The following RUNX2 variants were observed in gnomAD, a reference collection of about 807,000 sequenced individuals.
The protein encoded by RUNX2 is runt-related transcription factor 2.
A neutral mutation model predicts 51.7 loss-of-function variants in RUNX2; 10 were observed. The ratio of observed to expected loss-of-function variants is 0.19; its 90% CI spans 0.12 to 0.33. The LOEUF (loss-of-function observed/expected upper bound fraction) is 0.33. Among genes scored for constraint, RUNX2 ranks in the 10% least tolerant of loss-of-function variants. RUNX2 has a pLI of 1.00. For synonymous variants in RUNX2, 276 were observed against 273.6 expected (o/e 1.01, Z -0.09); for missense variants, 562 against 691.3 (o/e 0.81, Z 2.10).
At chr6:45,491,910 A>G (rs553368186) in intron 5 of RUNX2, 31 bp from the exon 6 acceptor site, 1 of 1,610,432 alleles carries the variant, frequency 6.2e-7, no homozygotes, top group South Asian at 1.1e-5. Flanking sequence ...GCTAATTAAT[A>G]TGCTTTTATT....
At chr6:45,378,248 G>A (rs1352955628) in intron 2 of RUNX2, among the ~76,000 whole-genome samples, 1 of 152,246 alleles carries the variant, frequency 6.6e-6, no homozygotes, top group Non-Finnish European at 1.5e-5. Context: ...CAGGGTGCAG[G>A]CTTGAATTCT....
At chr6:45,413,671 C>T (rs144076347) in intron 2 of RUNX2, among the ~76,000 whole-genome samples, 206 of 151,784 alleles carry the variant, frequency 1.4e-3, no homozygotes, top group African/African-American at 4.6e-3. Context: ...CCTTGTGATC[C>T]GCCAGCCTTG....
At chr6:45,346,781 G>T (rs1463835496) in intron 2 of RUNX2, among the ~76,000 whole-genome samples, 1 of 151,968 alleles carries the variant, frequency 6.6e-6, no homozygotes, top group Non-Finnish European at 1.5e-5. Context: ...TGGTCAGGCT[G>T]GTCTCAAACT....
chr6:45,538,311 G>C (rs1227085402), intron 7 of RUNX2, among the ~76,000 whole-genome samples: 1 of 152,150 alleles, frequency 6.6e-6, no homozygotes, highest in Non-Finnish European at 1.5e-5. Flanking sequence ...TATCAAATAA[G>C]AGTTGGTCTT....
At chr6:45,332,276 T>C (rs2150086699) in intron 2 of RUNX2, among the ~76,000 whole-genome samples, 1 of 151,776 alleles carries the variant, frequency 6.6e-6, no homozygotes, top group South Asian at 2.1e-4. Flanking sequence ...ACATGAAAAC[T>C]GTGGTAATAT....
In RUNX2 at chr6:45,498,626, A is replaced by G. The variant is rs537933374; in HGVS notation, c.859+6512A>G. On this transcript the variant is annotated intron_variant, in intron 6 of 8. Transcript: ENST00000647337. The stretch of plus-strand genomic sequence containing the variant: ...TTAAGGTAAAAACTGCTTGCCAGAC[A>G]TCCTGTCTAATAATAATCTTATCAG... 2.6e-5 allele frequency among the ~76,000 whole-genome samples: 4 copies of G among 152,342 alleles called. No individual in the cohort carries two copies. The South Asian group carries it at 8.3e-4, about 32-fold the overall frequency.
chr6:45,344,634 T>C (rs1210145131), intron 2 of RUNX2, among the ~76,000 whole-genome samples: 2 of 152,078 alleles, frequency 1.3e-5, no homozygotes, highest in African/African-American at 2.4e-5. Context: ...TTAAAACCCA[T>C]TAAAAATCAG....
At chr6:45,535,333 A>G (rs2150442836) in intron 7 of RUNX2, among the ~76,000 whole-genome samples, 1 of 152,164 alleles carries the variant, frequency 6.6e-6, no homozygotes, top group Middle Eastern at 3.4e-3. Flanking sequence ...GGCCGGGGGC[A>G]GTGGCTCATG....
chr6:45,451,240 G>A lies in RUNX2; in HGVS notation c.685+13189G>A, dbSNP rs573898792. Among the ~76,000 whole-genome samples the A allele has an allele frequency of 2.0e-5, 3 of 152,298 alleles. No homozygotes were observed. In the South Asian group the frequency reaches 6.2e-4, roughly 32 times the overall value. On this transcript the variant is annotated intron_variant, in intron 5 of 8. Transcript: ENST00000647337. The stretch of plus-strand genomic sequence containing the variant: ...AGTGGGAGGAGGTGGAGGGGGAATG[G>A]CTTGTCTGTAGCTGGGGCTCCGTAA...
intron 5 of RUNX2, among the ~76,000 whole-genome samples, chr6:45,475,673 C>T (rs1284523028): frequency 6.6e-6 from 1 of 152,092 alleles, no homozygotes; most frequent in Non-Finnish European, 1.5e-5. Context: ...AGAGCTGTAC[C>T]ACTACAATAT....
chr6:45,365,293 A>G (rs764138567), intron 2 of RUNX2: 3 of 1,607,388 alleles, frequency 1.9e-6, no homozygotes, highest in Non-Finnish European at 2.6e-6. Flanking sequence ...TAGCTGCCGT[A>G]TTATTCATCT....
intron 5 of RUNX2, among the ~76,000 whole-genome samples, chr6:45,466,043 G>A (rs928824653): frequency 6.6e-6 from 1 of 152,182 alleles, no homozygotes; most frequent in Admixed American, 6.5e-5. Flanking sequence ...GCCGAGTGCA[G>A]TGGCTCATGC....
intron 7 of RUNX2, among the ~76,000 whole-genome samples, chr6:45,539,219 T>TC (rs1554400742): frequency 1.4e-3 from 208 of 151,432 alleles, no homozygotes; most frequent in African/African-American, 3.9e-3. Context: ...AGGTTTTTTT[T>TC]TCTCTCTCTC....
chr6:45,350,814 G>A lies in RUNX2; in HGVS notation c.58+22030G>A, dbSNP rs550056336. ...ATATCCCAGTAGTGTCTAAATGAATGAAGTCTTTACATTTTCAGACGGATT... is the reference window on the plus strand; with the variant it reads ...ATATCCCAGTAGTGTCTAAATGAATAAAGTCTTTACATTTTCAGACGGATT... On this transcript the variant is annotated intron_variant, in intron 2 of 8. Coordinates refer to ENST00000647337, the MANE Select transcript of RUNX2 (RefSeq NM_001024630.4). Among the ~76,000 whole-genome samples the A allele has an allele frequency of 1.9e-3, 283 of 152,212 alleles. 1 individual carries two copies. The highest frequency in any genetic ancestry group is 6.3e-3 in the African/African-American group (262 of 41,518).
intron 2 of RUNX2, among the ~76,000 whole-genome samples, chr6:45,412,686 T>A (rs1797976545): frequency 6.6e-6 from 1 of 152,100 alleles, no homozygotes. Context: ...TTTTTTTTTT[T>A]ACTCTGGTAA....
At chr6:45,404,402 T>TC (rs1447739393) in intron 2 of RUNX2, among the ~76,000 whole-genome samples, 2 of 152,124 alleles carry the variant, frequency 1.3e-5, no homozygotes, top group Non-Finnish European at 2.9e-5. Context: ...ATGTCTCCAT[T>TC]CCCCATGGCC....
intron 5 of RUNX2, among the ~76,000 whole-genome samples, chr6:45,461,324 G>C (rs915344935): frequency 6.6e-6 from 1 of 152,204 alleles, no homozygotes; most frequent in African/African-American, 2.4e-5. Flanking sequence ...TTCTACCTCT[G>C]TCCACAGAAG....
At chr6:45,449,851 T>A (rs1997993) in intron 5 of RUNX2, among the ~76,000 whole-genome samples, 1 of 152,176 alleles carries the variant, frequency 6.6e-6, no homozygotes, top group Non-Finnish European at 1.5e-5. Flanking sequence ...ATGAATTTAG[T>A]ACTTAAAAAA....
chr6:45,351,858 A>G (rs1792124439), intron 2 of RUNX2, among the ~76,000 whole-genome samples: 1 of 152,150 alleles, frequency 6.6e-6, no homozygotes, highest in South Asian at 2.1e-4. Flanking sequence ...AGCACTTTGA[A>G]AAAGAGTAAT....
Sources: gnomAD v4.1 joint callset for allele counts (sites outside exome capture counted in the v4.1 genomes callset) on GRCh38, gnomAD v4.1.1 for gene constraint, MANE v1.5 for transcripts, NCBI Gene and HGNC (gene_info 2026-07-23, HGNC 2026-07-21) for gene names.